The following MAP3K20 variants were observed in gnomAD, a reference collection of about 807,000 sequenced individuals.
MAP3K20 encodes HCCS-4.
In MAP3K20, 40 loss-of-function variants were observed where a neutral mutation model predicts 85.7. The ratio of observed to expected loss-of-function variants is 0.47; its 90% CI spans 0.36 to 0.61. MAP3K20 has a LOEUF of 0.61. Among genes scored for constraint, MAP3K20 ranks in the 20% least tolerant of loss-of-function variants. The pLI, the probability that MAP3K20 is intolerant of heterozygous loss-of-function variation, is 0.00. For missense variants in MAP3K20, 817 were observed against 961.7 expected (o/e 0.85, Z 1.99); for synonymous variants, 325 against 327.7 (o/e 0.99, Z 0.09).
intron 2 of MAP3K20, among the ~76,000 whole-genome samples, chr2:173,120,009 A>C (rs549335351): frequency 1.3e-5 from 2 of 152,310 alleles, no homozygotes; most frequent in South Asian, 4.1e-4. Context: ...ATACACAAAG[A>C]ACAAGCAAAG....
intron 4 of MAP3K20, 126 bp downstream of exon 4, chr2:173,183,081 A>C: frequency 1.4e-6 from 1 of 704,100 alleles, no homozygotes. Flanking sequence ...CAAAAGTAGT[A>C]AGAATTCCAC....
chr2:173,102,412 T>G (rs551473385), intron 2 of MAP3K20, among the ~76,000 whole-genome samples: 1 of 152,212 alleles, frequency 6.6e-6, no homozygotes, highest in Non-Finnish European at 1.5e-5. Context: ...GTGGTTCTTA[T>G]CTGGTTTGTT....
At chr2:173,255,104 G>A (rs569574210) in intron 16 of MAP3K20, among the ~76,000 whole-genome samples, 16 of 152,250 alleles carry the variant, frequency 1.1e-4, no homozygotes, top group African/African-American at 3.6e-4. Flanking sequence ...TTAGTAGAAG[G>A]GAAAAAGAGA....
chr2:173,126,406 G>C (rs1413643992), intron 2 of MAP3K20, among the ~76,000 whole-genome samples: 1 of 151,984 alleles, frequency 6.6e-6, no homozygotes, highest in Non-Finnish European at 1.5e-5. Flanking sequence ...TTGAGACAGA[G>C]TCTCACTCTG....
chr2:173,267,406 C>G lies in MAP3K20; in HGVS notation c.*656C>G, dbSNP rs1040008972. 1 of 151,868 alleles carries G rather than the reference C, an allele frequency of 6.6e-6. No individual in the cohort carries two copies. Among genetic ancestry groups the G allele is most frequent in the Non-Finnish European group, 1.5e-5 (1 of 67,998 alleles). 9.4% of individuals were successfully genotyped at this position (151,868 alleles called of 1,614,324 possible). On this transcript the variant is annotated 3_prime_UTR_variant, in exon 20 of 20. Coordinates refer to ENST00000375213, the MANE Select transcript of MAP3K20 (RefSeq NM_016653.3). ...CACTCATCTCATCCTTGGCTCAGCCCTGCTGGTTAGTATTTAGTATTTATT... is the reference window on the plus strand; with the variant it reads ...CACTCATCTCATCCTTGGCTCAGCCGTGCTGGTTAGTATTTAGTATTTATT...
intron 10 of MAP3K20, among the ~76,000 whole-genome samples, chr2:173,213,618 CATACAGAACTGA>C (rs745748278): frequency 9.8e-5 from 15 of 152,304 alleles, no homozygotes; most frequent in Admixed American, 2.0e-4. Flanking sequence ...TGCTCAAAAT[CATACAGAACTGA>C]GAACAGAACC....
intron 11 of MAP3K20, chr2:173,221,603 C>T: frequency 1.4e-6 from 2 of 1,395,294 alleles, no homozygotes; most frequent in Non-Finnish European, 1.9e-6. Flanking sequence ...TCAGTCTGTA[C>T]AAAAACAGTA....
chr2:173,260,923 G>A lies in MAP3K20; in HGVS notation c.1477-140G>A. ...TAGCATGTTGTGAGTGATCACATGA[G>A]AACCAACAAGGCTTTCATGATAATC... On this transcript the variant is annotated intron_variant, in intron 17 of 19. Transcript: ENST00000375213. The A allele has an allele frequency of 4.5e-6, 3 of 663,028 alleles. No individual in the cohort carries two copies. In the South Asian group the frequency reaches 6.0e-5, roughly 13 times the overall value. The allele number at this position is 663,028 out of a possible 1,614,324, so 41.1% of individuals were successfully genotyped here. A position where few individuals can be genotyped will look rare whatever the true frequency, so the allele number is the denominator to read the frequency against.
intron 2 of MAP3K20, among the ~76,000 whole-genome samples, chr2:173,161,116 G>A (rs751714699): frequency 6.6e-6 from 1 of 151,894 alleles, no homozygotes; most frequent in Non-Finnish European, 1.5e-5. Context: ...CAAAGAAAAC[G>A]TACAATGCAA....
intron 4 of MAP3K20, among the ~76,000 whole-genome samples, chr2:173,186,478 G>C (rs984810283): frequency 6.6e-6 from 1 of 151,998 alleles, no homozygotes; most frequent in African/African-American, 2.4e-5. Flanking sequence ...ATCATTCAGT[G>C]ATATCATTAA....
chr2:173,195,373 A>AAAAG (rs751535039), intron 7 of MAP3K20, among the ~76,000 whole-genome samples: 10 of 152,300 alleles, frequency 6.6e-5, no homozygotes, highest in Middle Eastern at 3.4e-3. Flanking sequence ...TATTGTTTGG[A>AAAAG]AAAGAAAGGG....
At chr2:173,159,478 C>T (rs1689584210) in intron 2 of MAP3K20, among the ~76,000 whole-genome samples, 1 of 151,634 alleles carries the variant, frequency 6.6e-6, no homozygotes, top group Non-Finnish European at 1.5e-5. Flanking sequence ...CAGCCTGGAC[C>T]TCCTAGGTGC....
At chr2:173,098,698 A>C (rs1220056897) in intron 2 of MAP3K20, among the ~76,000 whole-genome samples, 2 of 152,224 alleles carry the variant, frequency 1.3e-5, no homozygotes, top group Non-Finnish European at 2.9e-5. Flanking sequence ...CCACATGCCT[A>C]GTCTCTTCCC....
chr2:173,243,355 T>C (rs939179447), intron 16 of MAP3K20, among the ~76,000 whole-genome samples: 3 of 152,124 alleles, frequency 2.0e-5, no homozygotes, highest in Non-Finnish European at 4.4e-5. Context: ...GGAGAGGACA[T>C]TGAAGGCAGA....
chr2:173,226,806 A>G (rs1684401963), intron 11 of MAP3K20: 2 of 983,556 alleles, frequency 2.0e-6, no homozygotes, highest in Non-Finnish European at 2.4e-6. Context: ...AATAATAGAA[A>G]ATATTTATAT....
At chr2:173,226,860 GTTTT>G in intron 11 of MAP3K20, 2 of 984,496 alleles carry the variant, frequency 2.0e-6, no homozygotes, top group Non-Finnish European at 1.2e-6. Flanking sequence ...TCACTTTATT[GTTTT>G]TTTAACAAAA....
chr2:173,167,588 A>G (rs576304208), intron 2 of MAP3K20, among the ~76,000 whole-genome samples: 1 of 152,296 alleles, frequency 6.6e-6, no homozygotes, highest in South Asian at 2.1e-4. Flanking sequence ...TAAAACTGCA[A>G]ATTTTTTTGC....
At chr2:173,151,791 G>A (rs962128622) in intron 2 of MAP3K20, among the ~76,000 whole-genome samples, 2 of 152,126 alleles carry the variant, frequency 1.3e-5, no homozygotes, top group African/African-American at 4.8e-5. Context: ...GTGACACACT[G>A]GAATAACAGT....
intron 2 of MAP3K20, among the ~76,000 whole-genome samples, chr2:173,092,207 G>T (rs529595768): frequency 6.6e-6 from 1 of 152,334 alleles, no homozygotes; most frequent in South Asian, 2.1e-4. Flanking sequence ...AGCCAGGTTA[G>T]AAGGACTGAG....
Sources: gnomAD v4.1 joint callset for allele counts (sites outside exome capture counted in the v4.1 genomes callset) on GRCh38, gnomAD v4.1.1 for gene constraint, MANE v1.5 for transcripts, NCBI Gene and HGNC (gene_info 2026-07-23, HGNC 2026-07-21) for gene names.